Variants in C7 observed in about 807,000 individuals in gnomAD.
C7 encodes complement C7, also known as complement component C7.
Under a neutral mutation model 104.8 loss-of-function variants are expected in C7, and 83 were observed. That is an observed-to-expected ratio of 0.79 (90% CI 0.66 to 0.95). The LOEUF (loss-of-function observed/expected upper bound fraction) is 0.95. Among genes scored for constraint, C7 ranks in the 40% least tolerant of loss-of-function variants. The pLI is 0.00. For synonymous variants in C7, 415 were observed against 360.6 expected, an observed-to-expected ratio of 1.15 and a Z score of -1.71; for missense variants, 1,070 against 1,011.2, an observed-to-expected ratio of 1.06 and a Z score of -0.79.
At chr5:40,942,925 C>T (rs1165004822) in intron 6 of C7, among the ~76,000 whole-genome samples, 2 of 152,030 alleles carry the variant, frequency 1.3e-5, no homozygotes, top group Non-Finnish European at 2.9e-5. Flanking sequence ...CCACCATGCC[C>T]AGCTAATTTT....
At chr5:40,921,148 G>A (rs1739430354) in intron 1 of C7, among the ~76,000 whole-genome samples, 4 of 151,590 alleles carry the variant, frequency 2.6e-5, no homozygotes, top group African/African-American at 9.7e-5. Flanking sequence ...GCAAAAATCA[G>A]CAGCATTCCT....
intron 2 of C7, 89 bp from the exon 3 acceptor site, chr5:40,930,975 T>C (rs1739669391): frequency 1.1e-6 from 1 of 875,022 alleles, no homozygotes; most frequent in African/African-American, 1.7e-5. Context: ...AGGCAACATT[T>C]AACTATTTTT....
intron 10 of C7, among the ~76,000 whole-genome samples, chr5:40,957,762 T>A (rs1740324716): frequency 1.9e-5 from 1 of 53,844 alleles, no homozygotes; most frequent in Non-Finnish European, 4.2e-5. Context: ...GGGCTGGTTT[T>A]TTTTTGTTTT....
At chr5:40,943,589 T>A (rs1269635368) in intron 6 of C7, among the ~76,000 whole-genome samples, 1 of 151,156 alleles carries the variant, frequency 6.6e-6, no homozygotes, top group Non-Finnish European at 1.5e-5. Flanking sequence ...TTGAAAGGGA[T>A]GTGTATAACT....
At chr5:40,914,904 C>T (rs980784361) in intron 1 of C7, among the ~76,000 whole-genome samples, 2 of 152,012 alleles carry the variant, frequency 1.3e-5, no homozygotes, top group African/African-American at 4.8e-5. Flanking sequence ...TTTGGCAGGA[C>T]ACGGATGTGT....
At position 40,930,204 on chromosome 5, in the gene C7, C is replaced by CT. The variant is rs34608357; in HGVS notation, c.63-841dup. ...TCTATCAATAGTCAATGACCTACCT[C>CT]TTTTTTTTTTTTTTTTTTTGAGATG... On this transcript the variant is annotated intron_variant, in intron 2 of 17. Transcript: ENST00000313164. Among the ~76,000 whole-genome samples the CT allele has an allele frequency of 7.9e-3, 966 of 123,052 alleles. 17 individuals are homozygous for CT. Among genetic ancestry groups the CT allele is most frequent in the East Asian group, 0.04 (172 of 4,256 alleles). 80.7% of individuals were successfully genotyped at this position (123,052 alleles called of 152,430 possible).
At chr5:40,931,682 T>G (rs112770806) in intron 3 of C7, among the ~76,000 whole-genome samples, 4 of 152,258 alleles carry the variant, frequency 2.6e-5, no homozygotes, top group African/African-American at 9.6e-5. Flanking sequence ...AAAATGTTTG[T>G]ATTCCTTATT....
intron 6 of C7, among the ~76,000 whole-genome samples, chr5:40,940,708 G>A (rs970145962): frequency 2.0e-5 from 3 of 152,074 alleles, no homozygotes; most frequent in South Asian, 2.1e-4. Flanking sequence ...ATATAAGAAC[G>A]CTTTGTATAC....
rs764328445 is a variant in C7 at position 40,909,583 on chromosome 5, C to G, written c.-28C>G. Reference sequence around the variant, plus strand: ...CCCTTACAGAGGAAATCTTCCTCCTCTCTTCTGCCCTGAATGTTTTCCCAA... The same window carrying G: ...CCCTTACAGAGGAAATCTTCCTCCTGTCTTCTGCCCTGAATGTTTTCCCAA... On this transcript the variant is annotated 5_prime_UTR_variant, in exon 1 of 18. Transcript: ENST00000313164. The G allele has an allele frequency of 6.4e-6, 10 of 1,558,878 alleles. No individual in the cohort carries two copies. The highest frequency in any genetic ancestry group is 7.9e-6 in the Non-Finnish European group (9 of 1,141,110).
chr5:40,919,083 C>G (rs1451280872), intron 1 of C7, among the ~76,000 whole-genome samples: 1 of 151,218 alleles, frequency 6.6e-6, no homozygotes, highest in African/African-American at 2.4e-5. Flanking sequence ...GGGGGAAAAA[C>G]AAGCTTCAGC....
At chr5:40,957,211 A>G (rs1740305920) in intron 10 of C7, among the ~76,000 whole-genome samples, 2 of 152,206 alleles carry the variant, frequency 1.3e-5, no homozygotes, top group Non-Finnish European at 2.9e-5. Context: ...AAGCAGAGAC[A>G]TTTCTGTTCC....
intron 1 of C7, among the ~76,000 whole-genome samples, chr5:40,917,134 C>CA (rs138855377): frequency 2.0e-3 from 223 of 113,570 alleles, no homozygotes; most frequent in African/African-American, 2.6e-3. Flanking sequence ...GACTCCATCT[C>CA]AAAAAAAAAA....
At position 40,909,974 on chromosome 5, in the gene C7, A is replaced by ATTTT. The variant is rs1259880340; in HGVS notation, c.6+373_6+376dup. Among the ~76,000 whole-genome samples, 324 of 124,612 alleles carry ATTTT rather than the reference A, an allele frequency of 2.6e-3. 5 individuals carry two copies. Among genetic ancestry groups the ATTTT allele is most frequent in the African/African-American group, 8.9e-3 (293 of 33,004 alleles). 81.8% of individuals were successfully genotyped at this position (124,612 alleles called of 152,430 possible). A position where few individuals can be genotyped will look rare whatever the true frequency, so the allele number is the denominator to read the frequency against. Reference sequence around the variant, plus strand: ...CTTGGGAAAAACTTTCCTCTGGTGTATTTTTTTTTTTTTTTTTTGCTTGTT... The same window carrying ATTTT: ...CTTGGGAAAAACTTTCCTCTGGTGTATTTTTTTTTTTTTTTTTTTTTTGCTTGTT... On this transcript the variant is annotated intron_variant, in intron 1 of 17. Transcript: ENST00000313164.
chr5:40,912,563 G>GCGA (rs199731847), intron 1 of C7, among the ~76,000 whole-genome samples: 6,097 of 151,880 alleles, frequency 0.04, 425 homozygotes, highest in African/African-American at 0.14. Context: ...ATTTTTTGTT[G>GCGA]CAACAGGCTG....
At position 40,978,218 on chromosome 5, in the gene C7, A is replaced by C. The variant is rs542818137; in HGVS notation, c.2165+1378A>C. 3.3e-5 allele frequency among the ~76,000 whole-genome samples: 5 copies of C among 152,194 alleles called. No individual in the cohort carries two copies. The East Asian group carries it at 9.6e-4, about 29-fold the overall frequency. On this transcript the variant is annotated intron_variant, in intron 16 of 17. Transcript: ENST00000313164. ...ATTTTGGTTATCAAAACCGATATCC[A>C]ACTTCTTGAAGCTACAGTGGGTAAT...
At chr5:40,916,021 ATTTGATATTC>A (rs925170694) in intron 1 of C7, among the ~76,000 whole-genome samples, 2 of 152,204 alleles carry the variant, frequency 1.3e-5, no homozygotes, top group African/African-American at 4.8e-5. Flanking sequence ...AATTGGATGC[ATTTGATATTC>A]TTAGAGAATC....
At chr5:40,972,723 G>A in intron 15 of C7, 129 bp downstream of exon 15, 1 of 708,202 alleles carries the variant, frequency 1.4e-6, no homozygotes, top group East Asian at 2.6e-5. Flanking sequence ...TTAAGATAGG[G>A]TCAGTTTGTA....
chr5:40,951,876 T>A (rs1740178521), intron 9 of C7, among the ~76,000 whole-genome samples: 1 of 152,218 alleles, frequency 6.6e-6, no homozygotes, highest in African/African-American at 2.4e-5. Context: ...CTCATTCACT[T>A]GCTTCATTCA....
chr5:40,975,366 C>T (rs2218811), intron 15 of C7, among the ~76,000 whole-genome samples: 50,183 of 141,736 alleles, frequency 0.35, 10,521 homozygotes, highest in African/African-American at 0.55. Context: ...GAGAAGTGTG[C>T]TTTTTTTTTT....
Sources: gnomAD v4.1 joint callset for allele counts (sites outside exome capture counted in the v4.1 genomes callset) on GRCh38, gnomAD v4.1.1 for gene constraint, MANE v1.5 for transcripts, NCBI Gene and HGNC (gene_info 2026-07-23, HGNC 2026-07-21) for gene names.